CEP128: variants seen among roughly 807,000 people sequenced by gnomAD.
The protein encoded by CEP128 is centrosomal protein 128kDa.
Under a neutral mutation model 156.7 loss-of-function variants are expected in CEP128, and 132 were observed. That is an observed-to-expected ratio of 0.84 (90% CI 0.73 to 0.97). CEP128 has a LOEUF of 0.97. CEP128 is among the 50% of genes least tolerant of loss of function. The probability of loss-of-function intolerance (pLI) is 0.00; values close to 1 mark genes in which losing one functional copy is unlikely to be tolerated. For missense variants in CEP128, 1,252 were observed against 1,281.9 expected (o/e 0.98, Z 0.36); for synonymous variants, 469 against 448.9 (o/e 1.04, Z -0.57).
chr14:80,898,887 A>G (rs1436351028), intron 7 of CEP128, among the ~76,000 whole-genome samples: 1 of 152,200 alleles, frequency 6.6e-6, no homozygotes, highest in East Asian at 1.9e-4. Flanking sequence ...ATATACCGTA[A>G]GTGATAAAGA....
At chr14:80,564,798 C>T (rs1595012847) in intron 20 of CEP128, among the ~76,000 whole-genome samples, 1 of 152,194 alleles carries the variant, frequency 6.6e-6, no homozygotes, top group African/African-American at 2.4e-5. Context: ...GTGGCTCACG[C>T]CTGTAATTCC....
intron 19 of CEP128, among the ~76,000 whole-genome samples, chr14:80,729,642 C>T (rs1021388625): frequency 6.6e-6 from 1 of 152,136 alleles, no homozygotes; most frequent in Non-Finnish European, 1.5e-5. Flanking sequence ...AGTTTACATT[C>T]CCACCAGCAG....
At chr14:80,681,162 A>G (rs1333861377) in intron 19 of CEP128, among the ~76,000 whole-genome samples, 1 of 152,130 alleles carries the variant, frequency 6.6e-6, no homozygotes, top group African/African-American at 2.4e-5. Flanking sequence ...GACCCTACCC[A>G]TGATCCTCTG....
intron 8 of CEP128, among the ~76,000 whole-genome samples, chr14:80,871,156 T>C (rs985284285): frequency 2.0e-4 from 30 of 151,982 alleles, no homozygotes; most frequent in Admixed American, 6.6e-5. Context: ...ACGTAGGCAC[T>C]ATAGACCATG....
intron 16 of CEP128, among the ~76,000 whole-genome samples, chr14:80,776,302 T>C (rs1224169325): frequency 2.0e-5 from 3 of 151,846 alleles, no homozygotes; most frequent in Non-Finnish European, 4.4e-5. Context: ...AACCTGCCAA[T>C]AGATACATTA....
intron 9 of CEP128, among the ~76,000 whole-genome samples, chr14:80,846,763 C>T (rs936951732): frequency 2.0e-4 from 30 of 152,166 alleles, no homozygotes; most frequent in African/African-American, 6.7e-4. Context: ...AATCAGATTA[C>T]AAGAATTTCA....
Position 80,836,254 on chromosome 14 carries a change from T to C in CEP128, c.1008A>G (p.Gln336=), listed in dbSNP as rs761092867. 3 of 1,614,070 alleles carry C rather than the reference T, an allele frequency of 1.9e-6. No individual in the cohort carries two copies. Among genetic ancestry groups the C allele is most frequent in the Non-Finnish European group, 2.5e-6 (3 of 1,179,930 alleles). ...LQHQVSQISK[Q]QSNYQDEQGE... ...CTTGTTCATCCTGATAGTTTGACTG[T>C]TGCTTGGAAATCTGAGATACTTGAT... Residue 336 remains glutamine (Q), a synonymous_variant, in exon 12 of 25, where the codon CAA becomes CAG. Coordinates refer to ENST00000555265, the MANE Select transcript of CEP128 (RefSeq NM_152446.5).
intron 19 of CEP128, among the ~76,000 whole-genome samples, chr14:80,656,781 C>G (rs1320327158): frequency 6.6e-6 from 1 of 152,124 alleles, no homozygotes. Flanking sequence ...CTGGTCATCA[C>G]CTGAAATCCA....
intron 14 of CEP128, among the ~76,000 whole-genome samples, chr14:80,485,047 T>C (rs939429508): frequency 6.6e-6 from 1 of 152,090 alleles, no homozygotes; most frequent in African/African-American, 2.4e-5. Context: ...ACGGCAGCCA[T>C]TGTGGACAGC....
At chr14:80,895,577 A>T (rs1889305928) in intron 8 of CEP128, 141 bp downstream of exon 8, 2 of 484,462 alleles carry the variant, frequency 4.1e-6, no homozygotes, top group Non-Finnish European at 7.2e-6. Flanking sequence ...ACATTTTATA[A>T]GAGCTACAAG....
intron 19 of CEP128, among the ~76,000 whole-genome samples, chr14:80,690,774 A>C (rs981211784): frequency 9.9e-5 from 15 of 152,196 alleles, no homozygotes; most frequent in Non-Finnish European, 1.9e-4. Context: ...CTTCAGCAAG[A>C]ATCAACTTTG....
chr14:80,676,957 C>T (rs1566850152), intron 19 of CEP128, among the ~76,000 whole-genome samples: 2 of 152,128 alleles, frequency 1.3e-5, no homozygotes, highest in African/African-American at 2.4e-5. Flanking sequence ...AAAATGCTCA[C>T]TTCTTGTACT....
At chr14:80,677,339 G>A (rs764315124) in intron 19 of CEP128, among the ~76,000 whole-genome samples, 34 of 151,738 alleles carry the variant, frequency 2.2e-4, no homozygotes, top group Middle Eastern at 3.2e-3. Context: ...GTGAAATGCC[G>A]TATCTGCTAA....
chr14:80,830,408 G>A (rs1221937224), intron 13 of CEP128: 1 of 395,454 alleles, frequency 2.5e-6, no homozygotes, highest in Non-Finnish European at 4.5e-6. Context: ...CTTGAAATTA[G>A]AACACAACTT....
At chr14:80,941,321 G>A (rs1385388262) in intron 1 of CEP128, among the ~76,000 whole-genome samples, 1 of 152,190 alleles carries the variant, frequency 6.6e-6, no homozygotes, top group Non-Finnish European at 1.5e-5. Context: ...CCCAAAGGAA[G>A]GACAATGTAG....
intron 16 of CEP128, among the ~76,000 whole-genome samples, chr14:80,768,401 T>C (rs1900349388): frequency 6.6e-6 from 1 of 152,190 alleles, no homozygotes; most frequent in Admixed American, 6.5e-5. Flanking sequence ...GAGAATGAGC[T>C]GATTCTTTAC....
rs745862781 is a variant in CEP128 at position 80,580,388 on chromosome 14, T to C, written c.2842A>G (p.Met948Val). 6.3e-6 allele frequency: 10 copies of C among 1,599,528 alleles called. No homozygotes were observed. Among genetic ancestry groups the C allele is most frequent in the South Asian group, 1.1e-5 (1 of 89,766 alleles). ...LEETQRKDEE[M>V]GSLQDRVIAL... is the part of the protein sequence containing the mutation. The stretch of plus-strand genomic sequence containing the variant: ...TAAGAATTTACCTGCAGAGATCCCA[T>C]TTCTTCATCTTTTCTTTGGGTCTCT... Residue 948 changes from methionine to valine, a missense_variant, in exon 20 of 25, where the codon ATG (methionine) becomes GTG (valine). Physicochemically the swap from Met to Val is conservative, Grantham distance 21. Coordinates refer to ENST00000555265, the MANE Select transcript of CEP128 (RefSeq NM_152446.5).
intron 14 of CEP128, among the ~76,000 whole-genome samples, chr14:80,788,526 G>A (rs1476362785): frequency 6.6e-6 from 1 of 151,924 alleles, no homozygotes; most frequent in African/African-American, 2.4e-5. Context: ...TCTTTCTCTT[G>A]TAAGACCTTA....
chr14:80,729,078 T>G (rs1338042671), intron 19 of CEP128, among the ~76,000 whole-genome samples: 14 of 59,270 alleles, frequency 2.4e-4, no homozygotes, highest in South Asian at 5.2e-4. Context: ...TGTGTGTGTG[T>G]GTGTGTGTGT....
Sources: allele counts gnomAD v4.1 joint callset (sites outside exome capture counted in the v4.1 genomes callset), GRCh38; gene constraint gnomAD v4.1.1; transcripts MANE v1.5; gene names NCBI Gene and HGNC (gene_info 2026-07-23, HGNC 2026-07-21).